The following SENP7 variants were observed in gnomAD, a reference collection of about 807,000 sequenced individuals.
SENP7 encodes the protein sentrin-specific protease 7.
In SENP7, 64 loss-of-function variants were observed where a neutral mutation model predicts 141.2. That is an observed-to-expected ratio of 0.45 (90% CI 0.37 to 0.56). SENP7 has a LOEUF of 0.56. Among genes scored for constraint, SENP7 ranks in the 20% least tolerant of loss-of-function variants. The pLI is 0.00. For synonymous variants in SENP7, 382 were observed against 426.4 expected, an observed-to-expected ratio of 0.90 and a Z score of 1.28; for missense variants, 1,025 against 1,212.2, an observed-to-expected ratio of 0.85 and a Z score of 2.29.
intron 1 of SENP7, among the ~76,000 whole-genome samples, chr3:101,511,932 G>C (rs2065877000): frequency 6.6e-6 from 1 of 152,106 alleles, no homozygotes; most frequent in African/African-American, 2.4e-5. Flanking sequence ...CCATTCTCCT[G>C]CCTCAGCCTC....
In SENP7 at chr3:101,343,831, G is replaced by A. The variant is rs2059388158; in HGVS notation, c.1961C>T (p.Pro654Leu). The change falls in exon 14 of 24, where the codon CCG becomes CTG. Residue 654 changes from proline (P) to leucine (L), a missense_variant. By Grantham distance (98) the Pro-to-Leu change is moderately conservative. Transcript: ENST00000394095. ...IISGELELSY[P>L]LSWVQAFPLF... is the part of the protein sequence containing the mutation. ...AGGAAATGCCTGAACCCAAGACAACGGGTAAGAAAGCTCTAATTCTCCACT... is the reference window on the plus strand; with the variant it reads ...AGGAAATGCCTGAACCCAAGACAACAGGTAAGAAAGCTCTAATTCTCCACT... 7 of 1,613,684 alleles carry A rather than the reference G, an allele frequency of 4.3e-6. No homozygotes were observed. Among genetic ancestry groups the A allele is most frequent in the Admixed American group, 1.7e-5 (1 of 59,980 alleles).
intron 5 of SENP7, among the ~76,000 whole-genome samples, chr3:101,409,793 G>T (rs1398861108): frequency 1.3e-5 from 2 of 152,158 alleles, no homozygotes; most frequent in Admixed American, 1.3e-4. Context: ...ACTCAAGATG[G>T]ATTAAGGACT....
chr3:101,470,555 G>A (rs925458625), intron 3 of SENP7, among the ~76,000 whole-genome samples: 3 of 152,060 alleles, frequency 2.0e-5, no homozygotes, highest in African/African-American at 7.2e-5. Context: ...TACTGAATAG[G>A]CAAAAACTGG....
chr3:101,359,569 T>C (rs2059836963), intron 11 of SENP7, among the ~76,000 whole-genome samples: 1 of 151,792 alleles, frequency 6.6e-6, no homozygotes, highest in African/African-American at 2.4e-5. Flanking sequence ...TATTTGCAGT[T>C]CCCTACTGTT....
intron 4 of SENP7, among the ~76,000 whole-genome samples, chr3:101,451,187 A>G (rs1232380271): frequency 6.6e-6 from 1 of 152,224 alleles, no homozygotes. Flanking sequence ...ATCTCTGAAT[A>G]GACCAATAAC....
chr3:101,406,529 A>G (rs904507678), intron 5 of SENP7, among the ~76,000 whole-genome samples: 9 of 151,986 alleles, frequency 5.9e-5, no homozygotes, highest in African/African-American at 2.2e-4. Flanking sequence ...ACATGTATAC[A>G]TATGTAACAA....
At chr3:101,401,139 G>A (rs1338817895) in intron 5 of SENP7, among the ~76,000 whole-genome samples, 1 of 151,924 alleles carries the variant, frequency 6.6e-6, no homozygotes, top group Non-Finnish European at 1.5e-5. Flanking sequence ...ACCTAGTGTG[G>A]AAGGCATGTT....
intron 17 of SENP7, chr3:101,337,190 G>A (rs2059210119): frequency 6.0e-6 from 1 of 167,408 alleles, no homozygotes; most frequent in Non-Finnish European, 1.3e-5. Context: ...AGGAAATACA[G>A]CCACTGTCAG....
intron 2 of SENP7, among the ~76,000 whole-genome samples, chr3:101,500,044 T>C (rs759770926): frequency 2.0e-5 from 3 of 152,222 alleles, no homozygotes; most frequent in Non-Finnish European, 4.4e-5. Context: ...CCATACTTTC[T>C]ATATGGTCTT....
intron 4 of SENP7, among the ~76,000 whole-genome samples, chr3:101,424,856 T>C (rs1335467221): frequency 6.6e-6 from 1 of 152,098 alleles, no homozygotes; most frequent in Non-Finnish European, 1.5e-5. Flanking sequence ...CCCACCCAAA[T>C]CTCATCTTCC....
chr3:101,393,000 T>C (rs2060859197), intron 6 of SENP7, among the ~76,000 whole-genome samples: 2 of 151,932 alleles, frequency 1.3e-5, no homozygotes, highest in African/African-American at 2.4e-5. Flanking sequence ...AACAAATACA[T>C]AGACCAATGG....
At chr3:101,342,746 A>G (rs577519816) in intron 14 of SENP7, among the ~76,000 whole-genome samples, 9 of 151,532 alleles carry the variant, frequency 5.9e-5, no homozygotes, top group Admixed American at 5.9e-4. Context: ...GATCACTGCA[A>G]TCTCCACCTC....
intron 4 of SENP7, chr3:101,457,344 G>C: frequency 7.2e-7 from 1 of 1,394,110 alleles, no homozygotes; most frequent in East Asian, 2.3e-5. Context: ...TCCATCCATG[G>C]ATTGTTTGGG....
intron 6 of SENP7, among the ~76,000 whole-genome samples, chr3:101,390,328 G>A (rs1164473376): frequency 5.5e-5 from 6 of 109,584 alleles, no homozygotes; most frequent in African/African-American, 1.1e-4. Flanking sequence ...CACCAATAAA[G>A]ACATACATTG....
At position 101,366,697 on chromosome 3, in the gene SENP7, T is replaced by C. The variant is rs778263649; in HGVS notation, c.1051A>G (p.Lys351Glu). 4 of 1,613,232 alleles carry C rather than the reference T, an allele frequency of 2.5e-6. No individual in the cohort carries two copies. The East Asian group carries it at 6.7e-5, about 27-fold the overall frequency. ...KPSENYHQDP[K>E]LPEEITTKPT... ...TTAGTTGTAATTTCTTCAGGCAGTT[T>C]TGGATCCTGATGATAGTTTTCACTT... is the stretch of plus-strand genomic sequence containing the variant. The change falls in exon 9 of 24, where the codon AAA (lysine) becomes GAA (glutamate). Residue 351 changes from lysine to glutamate, a missense_variant. Transcript: ENST00000394095.
Position 101,366,785 on chromosome 3 carries a change from T to C in SENP7, c.979-16A>G, listed in dbSNP as rs898954461. 3.3e-6 allele frequency: 5 copies of C among 1,497,920 alleles called. No individual in the cohort carries two copies. The highest frequency in any genetic ancestry group is 2.3e-5 in the East Asian group (1 of 43,832). 92.8% of individuals were successfully genotyped at this position (1,497,920 alleles called of 1,614,324 possible). A position where few individuals can be genotyped will look rare whatever the true frequency, so the allele number is the denominator to read the frequency against. ...CTTGTTTTTTCTAAACATAAACACA[T>C]AGAAAAAAATAGCATTTTTCAAATT... On this transcript the variant is annotated splice_polypyrimidine_tract_variant and intron_variant, in intron 8 of 23. Coordinates refer to ENST00000394095, the MANE Select transcript of SENP7 (RefSeq NM_020654.5).
chr3:101,391,790 G>T (rs1293137127), intron 6 of SENP7, among the ~76,000 whole-genome samples: 10 of 152,040 alleles, frequency 6.6e-5, no homozygotes, highest in African/African-American at 2.4e-4. Flanking sequence ...GAGAAAAAAA[G>T]TTCAGGCCAA....
At chr3:101,347,708 C>T (rs1430699636) in intron 13 of SENP7, 164 bp downstream of exon 13, 12 of 373,180 alleles carry the variant, frequency 3.2e-5, no homozygotes, top group Non-Finnish European at 1.8e-5. Flanking sequence ...GGTGACAAAG[C>T]GAGACTCCAT....
intron 5 of SENP7, among the ~76,000 whole-genome samples, chr3:101,415,998 A>C (rs955761728): frequency 3.4e-4 from 52 of 152,290 alleles, no homozygotes; most frequent in African/African-American, 1.2e-3. Flanking sequence ...GATAAGGAAA[A>C]AAGAGGAGTC....
Sources: allele counts gnomAD v4.1 joint callset (sites outside exome capture counted in the v4.1 genomes callset), GRCh38; gene constraint gnomAD v4.1.1; transcripts MANE v1.5; gene names NCBI Gene and HGNC (gene_info 2026-07-23, HGNC 2026-07-21).